CACNA1B: variants seen among roughly 807,000 people sequenced by gnomAD.
CACNA1B encodes calcium voltage-gated channel subunit alpha1 B.
A neutral mutation model predicts 247.2 loss-of-function variants in CACNA1B; 70 were observed. The ratio of observed to expected loss-of-function variants is 0.28; its 90% CI spans 0.23 to 0.35. The LOEUF (loss-of-function observed/expected upper bound fraction) is 0.35. Among genes scored for constraint, CACNA1B ranks in the 10% least tolerant of loss-of-function variants. The pLI is 1.00. For missense variants in CACNA1B, 2,367 were observed against 3,197.4 expected, an observed-to-expected ratio of 0.74 and a Z score of 6.26; for synonymous variants, 1,231 against 1,294.4, an observed-to-expected ratio of 0.95 and a Z score of 1.05.
Position 137,914,887 on chromosome 9 carries a change from A to T in CACNA1B, c.775+81A>T. On this transcript the variant is annotated intron_variant, in intron 5 of 46. Coordinates refer to ENST00000371372, the MANE Select transcript of CACNA1B (RefSeq NM_000718.4). The surrounding 1 kb of genome is among the most constrained non-coding windows in gnomAD (Gnocchi z 4.3). ...GGAGATGGGCACTGTTCTAGGTGCT[A>T]GAGGGGCCTTCTTGGTGCCAGATAC... is the stretch of plus-strand genomic sequence containing the variant. The T allele has an allele frequency of 4.4e-5, 66 of 1,485,052 alleles. No individual in the cohort carries two copies. Among genetic ancestry groups the T allele is most frequent in the Non-Finnish European group, 5.8e-5 (64 of 1,101,650 alleles). The allele number at this position is 1,485,052 out of a possible 1,614,324, so 92.0% of individuals were successfully genotyped here.
rs573186152 is a variant in CACNA1B at position 138,117,373 on chromosome 9, G to T, written c.5778-573G>T. On this transcript the variant is annotated intron_variant, in intron 42 of 46. Coordinates refer to ENST00000371372, the MANE Select transcript of CACNA1B (RefSeq NM_000718.4). ...TAGAGGAGGAAGCCCAAAGAGTCCC[G>T]GGCGAGGCCCCCTACCCCCCGTCCC... is the stretch of plus-strand genomic sequence containing the variant. Among the ~76,000 whole-genome samples the T allele has an allele frequency of 2.0e-5, 3 of 152,194 alleles. No individual in the cohort carries two copies. The South Asian group carries it at 6.2e-4, about 32-fold the overall frequency.
At chr9:138,028,817 G>C (rs924279259) in intron 20 of CACNA1B, among the ~76,000 whole-genome samples, 1 of 152,240 alleles carries the variant, frequency 6.6e-6, no homozygotes, top group Admixed American at 6.5e-5. Context: ...GCTGAGCTCT[G>C]ATTGGCTGAG....
At chr9:138,106,266 C>G (rs1355011902) in intron 39 of CACNA1B, among the ~76,000 whole-genome samples, 1 of 152,160 alleles carries the variant, frequency 6.6e-6, no homozygotes, top group African/African-American at 2.4e-5. Context: ...TGTTCTTCCC[C>G]ACGTCCACCT....
intron 36 of CACNA1B, among the ~76,000 whole-genome samples, chr9:138,090,996 A>C (rs950255773): frequency 1.3e-5 from 2 of 152,108 alleles, no homozygotes; most frequent in African/African-American, 4.8e-5. Flanking sequence ...AAAAACTGAA[A>C]ATAGAACTAC....
chr9:137,956,205 C>T (rs1434257373), intron 8 of CACNA1B, among the ~76,000 whole-genome samples: 1 of 152,222 alleles, frequency 6.6e-6, no homozygotes, highest in South Asian at 2.1e-4. Context: ...CCAAGTGCCT[C>T]TTCAGAGATG....
rs1010434037 is a variant in CACNA1B, at chr9:138,076,619, GA to G, written c.4949+711del. On this transcript the variant is annotated intron_variant, in intron 35 of 46. Transcript: ENST00000371372. ...GCATCAGCTGCTGTTCCTGGGCGCG[GA>G]ACAGGAGCTATGGGCCATCCTGGTT... is the stretch of plus-strand genomic sequence containing the variant. Among the ~76,000 whole-genome samples, 22 of 152,344 alleles carry G rather than the reference GA, an allele frequency of 1.4e-4. 1 individual carries two copies. The highest frequency in any genetic ancestry group is 5.0e-4 in the African/African-American group (21 of 41,588).
chr9:137,956,589 G>T (rs918974868), intron 8 of CACNA1B, among the ~76,000 whole-genome samples, 182 bp from the exon 9 acceptor site: 29 of 151,918 alleles, frequency 1.9e-4, no homozygotes, highest in Admixed American at 1.9e-3. Context: ...GGAAGGTGGA[G>T]GTTGCAGTGA....
chr9:137,903,970 A>T, intron 3 of CACNA1B, among the ~76,000 whole-genome samples: 1 of 152,196 alleles, frequency 6.6e-6, no homozygotes, highest in Non-Finnish European at 1.5e-5. Flanking sequence ...TTCTGGGTAG[A>T]GCTGGGCAGC....
In CACNA1B at chr9:138,084,901, G is replaced by A. The variant is rs569379118; in HGVS notation, c.5094+6643G>A. Among the ~76,000 whole-genome samples, 51 of 149,278 alleles carry A rather than the reference G, an allele frequency of 3.4e-4. 1 individual carries two copies. The highest frequency in any genetic ancestry group is 3.4e-3 in the Middle Eastern group (1 of 292). On this transcript the variant is annotated intron_variant, in intron 36 of 46. Transcript: ENST00000371372. ...TGGGAGGCGGAGCTTGTAGTGAGCCGAGATCACGCCACTGCACTCCAGCCT... is the reference window on the plus strand; with the variant it reads ...TGGGAGGCGGAGCTTGTAGTGAGCCAAGATCACGCCACTGCACTCCAGCCT...
intron 15 of CACNA1B, among the ~76,000 whole-genome samples, chr9:137,993,715 G>C (rs1476601072): frequency 6.6e-6 from 1 of 152,012 alleles, no homozygotes; most frequent in East Asian, 1.9e-4. Context: ...AAAAAATTAC[G>C]AACAAAATAA....
chr9:138,023,008 C>G lies in CACNA1B; in HGVS notation c.2268-3C>G. The G allele has an allele frequency of 1.3e-6, 2 of 1,500,268 alleles. No homozygotes were observed. Among genetic ancestry groups the G allele is most frequent in the Non-Finnish European group, 1.8e-6 (2 of 1,131,928 alleles). The allele number at this position is 1,500,268 out of a possible 1,614,324, so 92.9% of individuals were successfully genotyped here. A position where few individuals can be genotyped will look rare whatever the true frequency, so the allele number is the denominator to read the frequency against. On this transcript the variant is annotated splice_polypyrimidine_tract_variant and splice_region_variant and intron_variant, in intron 18 of 46. Transcript: ENST00000371372. ...GCCGCGCTCACCGCCAGTCTCCCCG[C>G]AGCAGGCAGCAGAACTCGGCCAAGG...
At chr9:138,044,077 C>T (rs933472087) in intron 21 of CACNA1B, among the ~76,000 whole-genome samples, 177 bp downstream of exon 21, 1 of 152,226 alleles carries the variant, frequency 6.6e-6, no homozygotes, top group African/African-American at 2.4e-5. Context: ...CAGAAGAGGA[C>T]ACGGGCACAG....
chr9:137,953,970 C>A (rs567403528), intron 7 of CACNA1B, among the ~76,000 whole-genome samples: 1 of 152,244 alleles, frequency 6.6e-6, no homozygotes, highest in African/African-American at 2.4e-5. Flanking sequence ...GGAGAGCAGC[C>A]TGCTCAGGGC....
At chr9:137,968,508 C>T (rs1318443769) in intron 10 of CACNA1B, among the ~76,000 whole-genome samples, 1 of 152,232 alleles carries the variant, frequency 6.6e-6, no homozygotes, top group African/African-American at 2.4e-5. Flanking sequence ...GGGGTGACAG[C>T]CATTAGGGCC....
At position 137,917,266 on chromosome 9, in the gene CACNA1B, C is replaced by T; in HGVS notation, c.801C>T (p.Pro267=). The T allele has an allele frequency of 6.2e-7, 1 of 1,613,596 alleles. No homozygotes were observed. Residue 267 remains proline, a synonymous_variant, in exon 6 of 47, where the codon CCC becomes CCT. Transcript: ENST00000371372. The surrounding 1 kb of genome is among the most constrained non-coding windows in gnomAD (Gnocchi z 5.5). The stretch of plus-strand genomic sequence containing the variant: ...ATGCGGAGCCCGTGGGTGACTTCCC[C>T]TGTGGCAAGGAGGCCCCAGCCCGGC... ...STDAEPVGDF[P]CGKEAPARLC...
intron 10 of CACNA1B, among the ~76,000 whole-genome samples, chr9:137,968,418 C>T (rs1323772474): frequency 6.6e-6 from 1 of 152,236 alleles, no homozygotes; most frequent in Non-Finnish European, 1.5e-5. Flanking sequence ...CTGAATCCCA[C>T]ACCACCTTGT....
Position 138,058,909 on chromosome 9 carries a change from G to C in CACNA1B, c.4474-170G>C, listed in dbSNP as rs1589102885. Reference sequence around the variant, plus strand: ...TCCTGTTTCCCTTTGTTGTCTGTGGGCTGGGACAGTGGGGAGGTTCTGGGA... The same window carrying C: ...TCCTGTTTCCCTTTGTTGTCTGTGGCCTGGGACAGTGGGGAGGTTCTGGGA... On this transcript the variant is annotated intron_variant, in intron 29 of 46. Transcript: ENST00000371372. This position sits in a 1 kb window ranked among gnomAD's most constrained non-coding sequence, Gnocchi z 4.7. Among the ~76,000 whole-genome samples, 1 of 152,190 alleles carries C rather than the reference G, an allele frequency of 6.6e-6. No homozygotes were observed. The highest frequency in any genetic ancestry group is 2.4e-5 in the African/African-American group (1 of 41,442).
Position 138,114,430 on chromosome 9 carries a change from C to T in CACNA1B, c.5589C>T (p.Phe1863=). Residue 1863 remains phenylalanine, a synonymous_variant, in exon 41 of 47, where the codon TTC becomes TTT. Transcript: ENST00000371372. ...KVYAALMIFD[F]YKQNKTTRDQ... ...ATGCAGCTCTGATGATATTCGACTT[C>T]TACAAGCAGAACAAAACCACCAGAG... The T allele has an allele frequency of 3.1e-6, 5 of 1,595,122 alleles. No individual in the cohort carries two copies. Among genetic ancestry groups the T allele is most frequent in the Non-Finnish European group, 4.3e-6 (5 of 1,170,162 alleles).
rs369837868 is a variant in CACNA1B, at chr9:137,954,421, C to T, written c.1071-1277C>T. Among the ~76,000 whole-genome samples the T allele has an allele frequency of 7.9e-5, 12 of 152,324 alleles. No homozygotes were observed. The South Asian group carries it at 1.0e-3, about 13-fold the overall frequency. ...CCCTGTCCTGCCTCTTCTCACCCAG[C>T]GAGGACAGAAGCTCAGGGAGGGCTG... On this transcript the variant is annotated intron_variant, in intron 7 of 46. Transcript: ENST00000371372. This position sits in a 1 kb window ranked among gnomAD's most constrained non-coding sequence, Gnocchi z 4.1.
Sources: gnomAD v4.1 joint callset for allele counts (sites outside exome capture counted in the v4.1 genomes callset) on GRCh38, gnomAD v4.1.1 for gene constraint, Gnocchi (gnomAD v3.1) non-coding constraint, MANE v1.5 for transcripts, NCBI Gene and HGNC (gene_info 2026-07-23, HGNC 2026-07-21) for gene names.